The following NAPB variants were observed in gnomAD, a reference collection of about 807,000 sequenced individuals.
NAPB encodes the protein NSF attachment protein beta, also known as beta-soluble NSF attachment protein.
A neutral mutation model predicts 44.7 loss-of-function variants in NAPB; 26 were observed. The observed-to-expected ratio is 0.58, with a 90% confidence interval of 0.43 to 0.81. The LOEUF (loss-of-function observed/expected upper bound fraction) is 0.81, where lower values mean the gene tolerates loss of function less well. Among genes scored for constraint, NAPB ranks in the 30% least tolerant of loss-of-function variants. The pLI is 0.00. For missense variants in NAPB, 315 were observed against 356.4 expected (o/e 0.88, Z 0.94); for synonymous variants, 120 against 116.8 (o/e 1.03, Z -0.18).
chr20:23,399,227 T>C (rs1304279965), intron 2 of NAPB, among the ~76,000 whole-genome samples: 1 of 152,112 alleles, frequency 6.6e-6, no homozygotes, highest in African/African-American at 2.4e-5. Context: ...AGTGCTATGA[T>C]CTGAATGGCA....
chr20:23,386,232 T>A (rs908907843), intron 7 of NAPB, among the ~76,000 whole-genome samples: 12 of 151,892 alleles, frequency 7.9e-5, no homozygotes, highest in African/African-American at 1.7e-4. Context: ...ATCAGCAAGC[T>A]AAACTTCCAT....
chr20:23,405,327 GA>G, intron 1 of NAPB, among the ~76,000 whole-genome samples: 4 of 80,008 alleles, frequency 5.0e-5, no homozygotes, highest in Admixed American at 1.5e-4. Flanking sequence ...GAGAGAGAGA[GA>G]AAGAAAGAAA....
intron 2 of NAPB, 69 bp downstream of exon 2, chr20:23,402,924 C>A: frequency 8.2e-7 from 1 of 1,212,388 alleles, no homozygotes; most frequent in South Asian, 1.3e-5. Context: ...AAGGGGAAAA[C>A]AGTCATTTCT....
At chr20:23,410,253 C>G (rs972400610) in intron 1 of NAPB, among the ~76,000 whole-genome samples, 1 of 152,176 alleles carries the variant, frequency 6.6e-6, no homozygotes, top group Non-Finnish European at 1.5e-5. Flanking sequence ...TTAACTGTAC[C>G]TACACAACGC....
At chr20:23,414,917 T>C (rs1283460470) in intron 1 of NAPB, among the ~76,000 whole-genome samples, 1 of 152,086 alleles carries the variant, frequency 6.6e-6, no homozygotes, top group African/African-American at 2.4e-5. Flanking sequence ...ACTCCATAAC[T>C]CACAAAAATA....
chr20:23,419,993 G>A lies in NAPB; in HGVS notation c.98+1312C>T, dbSNP rs188139534. On this transcript the variant is annotated intron_variant, in intron 1 of 10. Coordinates refer to ENST00000377026, the MANE Select transcript of NAPB (RefSeq NM_022080.3). Reference sequence around the variant, plus strand: ...CATTATGTCTGTCTTCTGAAATAGAGTCTGAACTGAATGTGTACAGAAATA... The same window carrying A: ...CATTATGTCTGTCTTCTGAAATAGAATCTGAACTGAATGTGTACAGAAATA... 4.0e-5 allele frequency among the ~76,000 whole-genome samples: 6 copies of A among 150,236 alleles called. 1 individual carries two copies. The East Asian group carries it at 1.2e-3, about 29-fold the overall frequency.
intron 5 of NAPB, among the ~76,000 whole-genome samples, chr20:23,392,198 G>A (rs1316446466): frequency 4.6e-5 from 7 of 152,208 alleles, no homozygotes; most frequent in African/African-American, 1.4e-4. Flanking sequence ...GGGAGGAGAT[G>A]TACCTTCATC....
At position 23,389,253 on chromosome 20, in the gene NAPB, C is replaced by A. The variant is rs866770375; in HGVS notation, c.561+693G>T. 2.8e-3 allele frequency among the ~76,000 whole-genome samples: 266 copies of A among 93,786 alleles called. 1 individual carries two copies. Among genetic ancestry groups the A allele is most frequent in the African/African-American group, 4.6e-3 (95 of 20,676 alleles). 61.5% of individuals were successfully genotyped at this position (93,786 alleles called of 152,430 possible). On this transcript the variant is annotated intron_variant, in intron 7 of 10. Transcript: ENST00000377026. ...ATTTAAAAAAAAAAAAAAAAAAAAA[C>A]CAAAACAAGTATTGGTGAGGATGTG...
chr20:23,412,787 G>A (rs966481603), intron 1 of NAPB, among the ~76,000 whole-genome samples: 1 of 152,236 alleles, frequency 6.6e-6, no homozygotes, highest in Non-Finnish European at 1.5e-5. Context: ...TTTGAGGTCA[G>A]GAGTTTGAGA....
At chr20:23,407,464 C>T (rs912342881) in intron 1 of NAPB, among the ~76,000 whole-genome samples, 1 of 152,026 alleles carries the variant, frequency 6.6e-6, no homozygotes, top group Non-Finnish European at 1.5e-5. Flanking sequence ...TTTTGTATTA[C>T]AGGAATCTGA....
Position 23,399,112 on chromosome 20 carries a change from G to A in NAPB, c.179-1924C>T, listed in dbSNP as rs185996702. 1.1e-4 allele frequency among the ~76,000 whole-genome samples: 17 copies of A among 152,058 alleles called. No individual in the cohort carries two copies. In the East Asian group the frequency reaches 2.9e-3, roughly 26 times the overall value. On this transcript the variant is annotated intron_variant, in intron 2 of 10. Coordinates refer to ENST00000377026, the MANE Select transcript of NAPB (RefSeq NM_022080.3). The stretch of plus-strand genomic sequence containing the variant: ...GGGCAAAGGGACAGTACAAACTCTG[G>A]AGCCCACCTGCCCAGGTTCAATTCT...
intron 9 of NAPB, 94 bp from the exon 10 acceptor site, chr20:23,379,589 A>G: frequency 1.0e-6 from 1 of 979,480 alleles, no homozygotes; most frequent in South Asian, 1.5e-5. Flanking sequence ...GTTGCCAAAT[A>G]TTGCACAAAA....
intron 10 of NAPB, among the ~76,000 whole-genome samples, chr20:23,377,873 G>A (rs777263631): frequency 3.9e-5 from 6 of 152,046 alleles, no homozygotes; most frequent in South Asian, 2.1e-4. Flanking sequence ...GTATGGAAGC[G>A]GAATTAACAC....
At chr20:23,396,247 T>C (rs1338016484) in intron 3 of NAPB, among the ~76,000 whole-genome samples, 3 of 152,212 alleles carry the variant, frequency 2.0e-5, no homozygotes, top group African/African-American at 7.2e-5. Context: ...TGCACCATAT[T>C]CTAAAGTACT....
intron 1 of NAPB, among the ~76,000 whole-genome samples, chr20:23,411,856 A>G (rs1985679922): frequency 6.6e-6 from 1 of 152,242 alleles, no homozygotes; most frequent in Admixed American, 6.5e-5. Context: ...AATAGCAATG[A>G]AAATATAATA....
chr20:23,415,961 G>A (rs187020761), intron 1 of NAPB, among the ~76,000 whole-genome samples: 1 of 152,198 alleles, frequency 6.6e-6, no homozygotes, highest in Non-Finnish European at 1.5e-5. Flanking sequence ...GTGAGAGCTC[G>A]TCTCAAAAAA....
At chr20:23,420,508 A>C (rs1414572800) in intron 1 of NAPB, among the ~76,000 whole-genome samples, 1 of 152,012 alleles carries the variant, frequency 6.6e-6, no homozygotes, top group African/African-American at 2.4e-5. Context: ...GCCCACCTGC[A>C]GGCGGGACGC....
intron 1 of NAPB, among the ~76,000 whole-genome samples, chr20:23,407,405 T>C (rs1985330949): frequency 6.6e-6 from 1 of 152,202 alleles, no homozygotes; most frequent in African/African-American, 2.4e-5. Context: ...GTTAAACACT[T>C]AGCACTCAAT....
Position 23,375,126 on chromosome 20 carries a change from T to G in NAPB, c.*2250A>C, listed in dbSNP as rs923739182. ...TCTCTCATTCTTTTTTTTAATCTTCTGGCAGGTCTCTTCTAGCCATTACAA... is the reference window on the plus strand; with the variant it reads ...TCTCTCATTCTTTTTTTTAATCTTCGGGCAGGTCTCTTCTAGCCATTACAA... On this transcript the variant is annotated 3_prime_UTR_variant, in exon 11 of 11. Transcript: ENST00000377026. The G allele has an allele frequency of 7.9e-5, 12 of 152,210 alleles. No homozygotes were observed. Among genetic ancestry groups the G allele is most frequent in the African/African-American group, 2.9e-4 (12 of 41,436 alleles). 9.4% of individuals were successfully genotyped at this position (152,210 alleles called of 1,614,324 possible).
Sources: gnomAD v4.1 joint callset for allele counts (sites outside exome capture counted in the v4.1 genomes callset) on GRCh38, gnomAD v4.1.1 for gene constraint, MANE v1.5 for transcripts, NCBI Gene and HGNC (gene_info 2026-07-23, HGNC 2026-07-21) for gene names.